LRP1: variants seen among roughly 807,000 people sequenced by gnomAD.
LRP1 encodes LDL receptor related protein 1, also known as prolow-density lipoprotein receptor-related protein 1.
LRP1 carries 51 observed loss-of-function variants against 541.5 expected under a neutral mutation model. The observed-to-expected ratio is 0.09, with a 90% CI of 0.08 to 0.12. The LOEUF (loss-of-function observed/expected upper bound fraction) is 0.12. Among genes scored for constraint, LRP1 ranks in the 10% least tolerant of loss-of-function variants. The pLI, the probability that LRP1 is intolerant of heterozygous loss-of-function variation, is 1.00. For synonymous variants in LRP1, 2,219 were observed against 2,470.8 expected (o/e 0.90, Z 3.02); for missense variants, 3,878 against 6,376.2 (o/e 0.61, Z 13.34).
In LRP1 at chr12:57,177,339, C is replaced by G; in HGVS notation, c.4197-88C>G. The G allele has an allele frequency of 1.9e-6, 3 of 1,558,054 alleles. No individual in the cohort carries two copies. Among genetic ancestry groups the G allele is most frequent in the Non-Finnish European group, 2.6e-6 (3 of 1,141,038 alleles). On this transcript the variant is annotated intron_variant, in intron 25 of 88. Coordinates refer to ENST00000243077, the MANE Select transcript of LRP1 (RefSeq NM_002332.3). This position sits in a 1 kb window ranked among gnomAD's most constrained non-coding sequence, Gnocchi z 6.8. Reference sequence around the variant, plus strand: ...ACACCTTACTCCTCAGTGCCATCTGCCTCCTCCCACCCTCTACCTACGATC... The same window carrying G: ...ACACCTTACTCCTCAGTGCCATCTGGCTCCTCCCACCCTCTACCTACGATC...
In LRP1 at chr12:57,198,661, C is replaced by T. The variant is rs770987853; in HGVS notation, c.9667C>T (p.Arg3223Cys). 7.5e-6 allele frequency: 12 copies of T among 1,608,516 alleles called. No individual in the cohort carries two copies. Among genetic ancestry groups the T allele is most frequent in the African/African-American group, 5.3e-5 (4 of 74,784 alleles). Residue 3223 changes from arginine to cysteine, a missense_variant, in exon 60 of 89, where the codon CGC (arginine) becomes TGC (cysteine). By Grantham distance (180) the Arg-to-Cys change is radical (BLOSUM62 -3). Around this residue, in one of 13 missense-constraint regions of LRP1, gnomAD observed 1,100 missense variants for 1,827.4 expected, o/e 0.60. Transcript: ENST00000243077. ...ATTTGCCAGCCTGGATGGCTCCAAT[C>T]GCCACGTTGGTCAGTGTGCCAGTGA... ...IEFASLDGSN[R>C]HVVLSQDIPH...
In LRP1 at chr12:57,183,677, G is replaced by T. The variant is rs912212923; in HGVS notation, c.5795-98G>T. The stretch of plus-strand genomic sequence containing the variant: ...TCCCCTTCAAGCACCTGGCCCCTCC[G>T]GCACTCTCTCACCTCTGTCTTGAGC... On this transcript the variant is annotated intron_variant, in intron 35 of 88. Transcript: ENST00000243077. This position sits in a 1 kb window ranked among gnomAD's most constrained non-coding sequence, Gnocchi z 6.1. 6.5e-7 allele frequency: 1 copy of T among 1,542,180 alleles called. No homozygotes were observed.
At chr12:57,188,100 GAGGTC>G in intron 42 of LRP1, among the ~76,000 whole-genome samples, 1 of 152,340 alleles carries the variant, frequency 6.6e-6, no homozygotes, top group Middle Eastern at 3.4e-3. Context: ...GCCAGGAAGT[GAGGTC>G]AGGGTGCGGA....
intron 6 of LRP1, 38 bp downstream of exon 6, chr12:57,145,528 G>T (rs774591893): frequency 1.9e-6 from 3 of 1,603,032 alleles, no homozygotes; most frequent in Non-Finnish European, 2.6e-6. Context: ...GCTGGGGAGG[G>T]TAGGGGAGAC....
In LRP1 at chr12:57,177,168, G is replaced by C. The variant is rs1354589334; in HGVS notation, c.4119G>C (p.Leu1373=). Residue 1373 remains leucine, a synonymous_variant, in exon 25 of 89, where the codon CTG becomes CTC. Coordinates refer to ENST00000243077, the MANE Select transcript of LRP1 (RefSeq NM_002332.3). This position sits in a 1 kb window ranked among gnomAD's most constrained non-coding sequence, Gnocchi z 6.8. The part of the protein sequence containing the change: ...SNLDQIEVAK[L]DGTLRTTLLA... The stretch of plus-strand genomic sequence containing the variant: ...TGGATCAGATCGAGGTGGCCAAGCT[G>C]GATGGGACCCTCCGGACCACCCTGC... The C allele has an allele frequency of 6.2e-7, 1 of 1,614,212 alleles. No homozygotes were observed. The highest frequency in any genetic ancestry group is 1.7e-5 in the Admixed American group (1 of 60,026).
chr12:57,128,713 G>A lies in LRP1; in HGVS notation c.-252G>A. 1 of 418,696 alleles carries A rather than the reference G, an allele frequency of 2.4e-6. No homozygotes were observed. The allele number at this position is 418,696 out of a possible 1,614,324, so 25.9% of individuals were successfully genotyped here. A position where few individuals can be genotyped will look rare whatever the true frequency, so the allele number is the denominator to read the frequency against. On this transcript the variant is annotated 5_prime_UTR_variant, in exon 1 of 89. Coordinates refer to ENST00000243077, the MANE Select transcript of LRP1 (RefSeq NM_002332.3). ...GGAGGGGGAAAGAGCAGCGAGGAGT[G>A]AAGCGGGGGGGTGGGGTGAAGGGTT...
intron 68 of LRP1, chr12:57,202,978 TG>T: frequency 1.7e-6 from 1 of 576,014 alleles, no homozygotes; most frequent in Non-Finnish European, 3.1e-6. Context: ...GTCTGTCCCA[TG>T]GGGTAAGTGC....
In LRP1 at chr12:57,185,419, A is replaced by G; in HGVS notation, c.6464-112A>G. ...ACTCTGGGCCCTGGAGGGTCATTCA[A>G]GCTGGGAATACCGAGGCAGAGGGCA... On this transcript the variant is annotated intron_variant, in intron 40 of 88. Coordinates refer to ENST00000243077, the MANE Select transcript of LRP1 (RefSeq NM_002332.3). The surrounding 1 kb of genome is among the most constrained non-coding windows in gnomAD (Gnocchi z 4.9). 7.1e-7 allele frequency: 1 copy of G among 1,403,152 alleles called. No homozygotes were observed. The highest frequency in any genetic ancestry group is 1.4e-5 in the South Asian group (1 of 70,472). 86.9% of individuals were successfully genotyped at this position (1,403,152 alleles called of 1,614,324 possible). A position where few individuals can be genotyped will look rare whatever the true frequency, so the allele number is the denominator to read the frequency against.
Position 57,197,441 on chromosome 12 carries a change from C to T in LRP1, c.9162+57C>T, listed in dbSNP as rs2036560531. ...CATCTCCCAGACCCAGCACAGCCTC[C>T]CTTGCAAGTCTCCCCGCTTAGGTCC... On this transcript the variant is annotated intron_variant, in intron 57 of 88. Coordinates refer to ENST00000243077, the MANE Select transcript of LRP1 (RefSeq NM_002332.3). The surrounding 1 kb of genome is among the most constrained non-coding windows in gnomAD (Gnocchi z 4.5). 1.2e-6 allele frequency: 2 copies of T among 1,610,308 alleles called. No individual in the cohort carries two copies. Among genetic ancestry groups the T allele is most frequent in the Admixed American group, 3.3e-5 (2 of 59,758 alleles).
chr12:57,131,357 G>T (rs2035035914), intron 1 of LRP1, among the ~76,000 whole-genome samples: 2 of 152,210 alleles, frequency 1.3e-5, no homozygotes, highest in South Asian at 4.1e-4. Flanking sequence ...GAAAGATGGG[G>T]TGGAGAATGG....
chr12:57,177,000 C>G (rs758617810), intron 24 of LRP1, 41 bp from the exon 25 acceptor site: 58 of 1,553,198 alleles, frequency 3.7e-5, no homozygotes, highest in Non-Finnish European at 3.7e-5. Context: ...ATGCACAGCT[C>G]CCCAGGAGAC....
At chr12:57,182,499 CA>C (rs2036184112) in intron 34 of LRP1, among the ~76,000 whole-genome samples, 1 of 136,452 alleles carries the variant, frequency 7.3e-6, no homozygotes, top group African/African-American at 2.8e-5. Flanking sequence ...GGCGACAGAT[CA>C]GGACTCCATC....
intron 15 of LRP1, 44 bp downstream of exon 15, chr12:57,163,027 C>G (rs2035768867): frequency 6.4e-7 from 1 of 1,565,408 alleles, no homozygotes; most frequent in Non-Finnish European, 8.6e-7. Context: ...CAGACCCCAT[C>G]AGGAGGATGC....
chr12:57,196,626 C>A (rs549474959), intron 55 of LRP1, among the ~76,000 whole-genome samples: 1 of 152,170 alleles, frequency 6.6e-6, no homozygotes, highest in Non-Finnish European at 1.5e-5. Context: ...CCCAAGGGAG[C>A]AGTGTAGGTG....
chr12:57,171,732 G>A (rs907893296), intron 20 of LRP1, among the ~76,000 whole-genome samples: 3 of 152,008 alleles, frequency 2.0e-5, no homozygotes, highest in African/African-American at 7.3e-5. Context: ...TGAGATGAGA[G>A]CATCAGCTGG....
chr12:57,185,943 G>A lies in LRP1; in HGVS notation c.6841+35G>A. 6.3e-7 allele frequency: 1 copy of A among 1,591,246 alleles called. No homozygotes were observed. Among genetic ancestry groups the A allele is most frequent in the African/African-American group, 1.3e-5 (1 of 74,744 alleles). On this transcript the variant is annotated intron_variant, in intron 41 of 88. Transcript: ENST00000243077. This position sits in a 1 kb window ranked among gnomAD's most constrained non-coding sequence, Gnocchi z 4.9. ...GACCCTAAGTCTTCCCAGGAAGTGG[G>A]ACATGGGGCGGGGAGCAGCACAGAC...
chr12:57,190,973 G>A lies in LRP1; in HGVS notation c.7200G>A (p.Lys2400=). Residue 2400 remains lysine (K), a synonymous_variant, in exon 43 of 89, where the codon AAG becomes AAA. Transcript: ENST00000243077. ...KLYFSDATLD[K]IERCEYDGSH... ...ACTTCTCTGACGCCACCCTGGACAAGATCGAGCGGTGCGAGTATGACGGCT... is the reference window on the plus strand; with the variant it reads ...ACTTCTCTGACGCCACCCTGGACAAAATCGAGCGGTGCGAGTATGACGGCT... 1 of 1,612,666 alleles carries A rather than the reference G, an allele frequency of 6.2e-7. No individual in the cohort carries two copies. The highest frequency in any genetic ancestry group is 8.5e-7 in the Non-Finnish European group (1 of 1,179,980).
intron 3 of LRP1, among the ~76,000 whole-genome samples, chr12:57,142,753 A>G (rs1335619660): frequency 6.6e-6 from 1 of 152,014 alleles, no homozygotes; most frequent in Non-Finnish European, 1.5e-5. Flanking sequence ...TCCAGAGCAA[A>G]TGATATTTTC....
Position 57,169,172 on chromosome 12 carries a change from G to A in LRP1, c.3028G>A (p.Gly1010Ser), listed in dbSNP as rs773782629. 1.2e-5 allele frequency: 20 copies of A among 1,612,250 alleles called. No homozygotes were observed. The highest frequency in any genetic ancestry group is 1.2e-4 in the South Asian group (11 of 91,036). Reference sequence around the variant, plus strand: ...CTGTGGGGACAACAGTGACGAAGCCGGCTGCAGCCACTCCTGTTCTAGCAC... The same window carrying A: ...CTGTGGGGACAACAGTGACGAAGCCAGCTGCAGCCACTCCTGTTCTAGCAC... ...NDCGDNSDEA[G>S]CSHSCSSTQF... is the part of the protein sequence containing the mutation. Residue 1010 changes from glycine to serine, a missense_variant, in exon 20 of 89, where the codon GGC becomes AGC. Physicochemically the swap from Gly to Ser is moderately conservative, Grantham distance 56. This residue lies in a region of LRP1 where 320 missense variants were observed against 547.9 expected (regional missense o/e 0.58). Coordinates refer to ENST00000243077, the MANE Select transcript of LRP1 (RefSeq NM_002332.3).
Sources: allele counts gnomAD v4.1 joint callset (sites outside exome capture counted in the v4.1 genomes callset), GRCh38; gene constraint gnomAD v4.1.1; regional missense constraint gnomAD v4.1.1; non-coding constraint Gnocchi (gnomAD v3.1); transcripts MANE v1.5; gene names NCBI Gene and HGNC (gene_info 2026-07-23, HGNC 2026-07-21).